Variants in ACAP3 observed in about 807,000 individuals in gnomAD.
The protein encoded by ACAP3 is ArfGAP with coiled-coil, ankyrin repeat and PH domains 3.
ACAP3 carries 56 observed loss-of-function variants against 104.1 expected under a neutral mutation model. The ratio of observed to expected loss-of-function variants is 0.54; its 90% CI spans 0.43 to 0.67. ACAP3 has a LOEUF of 0.67. ACAP3 is among the 30% of genes least tolerant of loss of function. The pLI, the probability that ACAP3 is intolerant of heterozygous loss-of-function variation, is 0.00. For missense variants in ACAP3, 1,208 were observed against 1,174.9 expected (o/e 1.03, Z -0.41); for synonymous variants, 628 against 496.2 (o/e 1.27, Z -3.53).
chr1:1,304,225 G>C (rs1641582469), intron 1 of ACAP3, 82 bp from the exon 2 acceptor site: 6 of 1,510,196 alleles, frequency 4.0e-6, no homozygotes, highest in African/African-American at 2.8e-5. Context: ...CCTCCCTGAG[G>C]GGCTCCACCA....
rs775159327 is a variant in ACAP3 at position 1,301,943 on chromosome 1, G to A, written c.338+45C>T. 29 of 1,509,182 alleles carry A rather than the reference G, an allele frequency of 1.9e-5. No homozygotes were observed. The Admixed American group carries it at 5.7e-4, about 30-fold the overall frequency. 93.5% of individuals were successfully genotyped at this position (1,509,182 alleles called of 1,614,324 possible). A position where few individuals can be genotyped will look rare whatever the true frequency, so the allele number is the denominator to read the frequency against. ...AGACCCCCTTCCCCTCCAAGGGAGG[G>A]AGCGTGGCCTCAGTGTTCTTCCCCC... On this transcript the variant is annotated intron_variant, in intron 5 of 23. Transcript: ENST00000354700.
intron 1 of ACAP3, chr1:1,307,286 C>G: frequency 7.8e-7 from 1 of 1,289,098 alleles, no homozygotes; most frequent in Non-Finnish European, 1.0e-6. Context: ...GGCCGCCACC[C>G]CTCCAAGCCC....
At chr1:1,295,408 C>T in intron 19 of ACAP3, 39 bp downstream of exon 19, 1 of 1,588,502 alleles carries the variant, frequency 6.3e-7, no homozygotes. Flanking sequence ...GCCTCCTTGG[C>T]CCTGCCCTGC....
chr1:1,300,202 T>C lies in ACAP3; in HGVS notation c.523A>G (p.Ile175Val). 1 of 1,607,528 alleles carries C rather than the reference T, an allele frequency of 6.2e-7. No homozygotes were observed. The highest frequency in any genetic ancestry group is 1.1e-5 in the South Asian group (1 of 90,400). The change falls in exon 7 of 24, where the codon ATC becomes GTC. Residue 175 changes from isoleucine (I) to valine (V), a missense_variant and splice_region_variant. By Grantham distance (29) the Ile-to-Val change is conservative (BLOSUM62 3). Coordinates refer to ENST00000354700, the MANE Select transcript of ACAP3 (RefSeq NM_030649.3). ...RHLALDYVLQ[I>V]NVLQAKKKFE... is the part of the protein sequence containing the mutation. Reference sequence around the variant, plus strand: ...TTCTTCTTGGCCTGCAGAACATTGATCTGCCAGAGGGGGAGCCCACAGGTG... The same window carrying C: ...TTCTTCTTGGCCTGCAGAACATTGACCTGCCAGAGGGGGAGCCCACAGGTG...
intron 9 of ACAP3, 49 bp downstream of exon 9, chr1:1,299,782 G>A (rs1336855055): frequency 6.6e-7 from 1 of 1,519,604 alleles, no homozygotes; most frequent in Non-Finnish European, 8.9e-7. Context: ...TGAGGACGCA[G>A]GGGCCTCCCA....
chr1:1,301,344 C>T (rs186453792), intron 5 of ACAP3: 1 of 151,008 alleles, frequency 6.6e-6, no homozygotes, highest in African/African-American at 2.4e-5. Context: ...ACTGCTGCCT[C>T]CGCCTCCTGG....
At chr1:1,307,444 G>A in intron 1 of ACAP3, 4 of 1,295,542 alleles carry the variant, frequency 3.1e-6, no homozygotes, top group Admixed American at 2.3e-5. Flanking sequence ...AGACGACCCT[G>A]GCCAGAGCTG....
chr1:1,303,104 C>T lies in ACAP3; in HGVS notation c.225+58G>A. 5 of 1,557,682 alleles carry T rather than the reference C, an allele frequency of 3.2e-6. No homozygotes were observed. Among genetic ancestry groups the T allele is most frequent in the Non-Finnish European group, 4.3e-6 (5 of 1,150,696 alleles). On this transcript the variant is annotated intron_variant, in intron 3 of 23. Coordinates refer to ENST00000354700, the MANE Select transcript of ACAP3 (RefSeq NM_030649.3). This position sits in a 1 kb window ranked among gnomAD's most constrained non-coding sequence, Gnocchi z 4.0. ...TGGCCTGGACGCCCTCAAGGGGCTG[C>T]CTCCCTCGGCCTCTCCCCCAACCCC...
At position 1,293,392 on chromosome 1, in the gene ACAP3, T is replaced by C. The variant is rs1640927044; in HGVS notation, c.*172A>G. On this transcript the variant is annotated 3_prime_UTR_variant, in exon 24 of 24. Transcript: ENST00000354700. ...ACGTGAGGCTTCAAGAGACTCAGTG[T>C]GGGGCCCTCGCTCTCCTCCTGGGCG... The C allele has an allele frequency of 5.3e-6, 3 of 568,522 alleles. No individual in the cohort carries two copies. Among genetic ancestry groups the C allele is most frequent in the Non-Finnish European group, 7.7e-6 (3 of 391,906 alleles). 35.2% of individuals were successfully genotyped at this position (568,522 alleles called of 1,614,324 possible). A position where few individuals can be genotyped will look rare whatever the true frequency, so the allele number is the denominator to read the frequency against.
At chr1:1,298,905 G>A (rs1641318759) in intron 10 of ACAP3, 2 of 572,544 alleles carry the variant, frequency 3.5e-6, no homozygotes, top group South Asian at 2.1e-5. Context: ...TTCACAGCTG[G>A]GGGCCCGAGA....
rs1358230219 is a variant in ACAP3, at chr1:1,298,414, A to C, written c.871T>G (p.Phe291Val). The C allele has an allele frequency of 6.2e-7, 1 of 1,600,658 alleles. No individual in the cohort carries two copies. The highest frequency in any genetic ancestry group is 8.5e-7 in the Non-Finnish European group (1 of 1,173,114). The change falls in exon 12 of 24, where the codon TTC becomes GTC. Residue 291 changes from phenylalanine (F) to valine (V), a missense_variant. Phe to Val is a conservative substitution (Grantham distance 50). Transcript: ENST00000354700. ...ACCAGCTGGCTGTTCTGAATGGAGA[A>C]CCAGCGCCTAGGTGGGTGGGGGGAT... is the stretch of plus-strand genomic sequence containing the variant. The part of the protein sequence containing the change: ...NAFKTWNRRW[F>V]SIQNSQLVYQ...
intron 14 of ACAP3, among the ~76,000 whole-genome samples, 161 bp from the exon 15 acceptor site, chr1:1,296,794 G>GCC (rs376577103): frequency 1.4e-5 from 2 of 145,862 alleles, no homozygotes; most frequent in African/African-American, 4.9e-5. Flanking sequence ...TGGGCAGATG[G>GCC]CCCCCCCCTC....
chr1:1,305,578 T>G (rs367631386), intron 1 of ACAP3: 8 of 152,204 alleles, frequency 5.3e-5, no homozygotes, highest in African/African-American at 1.9e-4. Flanking sequence ...GGGGACAGGG[T>G]GGGCCCTGGC....
intron 9 of ACAP3, 126 bp from the exon 10 acceptor site, chr1:1,299,482 G>A: frequency 8.4e-7 from 1 of 1,191,112 alleles, no homozygotes; most frequent in Non-Finnish European, 1.1e-6. Flanking sequence ...ACTCCTGGGG[G>A]GCTCTCCCCT....
At chr1:1,307,734 G>A (rs889351908) in intron 1 of ACAP3, 35 bp downstream of exon 1, 101 of 1,089,574 alleles carry the variant, frequency 9.3e-5, no homozygotes, top group Non-Finnish European at 1.0e-4. Context: ...GACGCCCCCG[G>A]CCTGCGCCCA....
chr1:1,300,070 T>A lies in ACAP3; in HGVS notation c.568-2A>T. ...CTGGGCGTGCATGAAGGACAGCATCTGCGGGGGCAGCACAGGTGAGGCCCA... is the reference window on the plus strand; with the variant it reads ...CTGGGCGTGCATGAAGGACAGCATCAGCGGGGGCAGCACAGGTGAGGCCCA... On this transcript the variant is annotated splice_acceptor_variant, in intron 7 of 23. Coordinates refer to ENST00000354700, the MANE Select transcript of ACAP3 (RefSeq NM_030649.3). LOFTEE classifies it high-confidence loss of function. The A allele has an allele frequency of 6.2e-7, 1 of 1,612,264 alleles. No homozygotes were observed. The highest frequency in any genetic ancestry group is 8.5e-7 in the Non-Finnish European group (1 of 1,179,680).
Position 1,303,447 on chromosome 1 carries a change from T to A in ACAP3, c.106-166A>T. 1 of 357,576 alleles carries A rather than the reference T, an allele frequency of 2.8e-6. No individual in the cohort carries two copies. The highest frequency in any genetic ancestry group is 5.1e-6 in the Non-Finnish European group (1 of 194,846). The allele number at this position is 357,576 out of a possible 1,614,324, so 22.2% of individuals were successfully genotyped here. The stretch of plus-strand genomic sequence containing the variant: ...CAGCTTCCTCACGCCTGGGCCTGCC[T>A]GGGGCTTGGAGGCCCGTCTGGGAGG... On this transcript the variant is annotated intron_variant, in intron 2 of 23. Coordinates refer to ENST00000354700, the MANE Select transcript of ACAP3 (RefSeq NM_030649.3). This position sits in a 1 kb window ranked among gnomAD's most constrained non-coding sequence, Gnocchi z 4.0.
In ACAP3 at chr1:1,295,621, G is replaced by A. The variant is rs74810910; in HGVS notation, c.1706-67C>T. On this transcript the variant is annotated intron_variant, in intron 18 of 23. Transcript: ENST00000354700. The stretch of plus-strand genomic sequence containing the variant: ...GGTGGGGCAGGGAACCCCAGGTCAC[G>A]CCGGGAGTCTGCGGAGCCTGAGGTG... 0.041 allele frequency: 63,793 copies of A among 1,572,642 alleles called. 1,558 individuals carry two copies. Among genetic ancestry groups the A allele is most frequent in the Non-Finnish European group, 0.047 (54,793 of 1,156,426 alleles).
chr1:1,299,765 C>G lies in ACAP3; in HGVS notation c.738+66G>C, dbSNP rs553698209. On this transcript the variant is annotated intron_variant, in intron 9 of 23. Transcript: ENST00000354700. ...GAAGGGGCGGGGAGGGTGTGCCGGG[C>G]ATGGGGTGAGGACGCAGGGGCCTCC... The G allele has an allele frequency of 2.2e-5, 32 of 1,478,056 alleles. No individual in the cohort carries two copies. The East Asian group carries it at 6.7e-4, about 31-fold the overall frequency. The allele number at this position is 1,478,056 out of a possible 1,614,324, so 91.6% of individuals were successfully genotyped here. A position where few individuals can be genotyped will look rare whatever the true frequency, so the allele number is the denominator to read the frequency against.
Sources: allele counts gnomAD v4.1 joint callset (sites outside exome capture counted in the v4.1 genomes callset), GRCh38; gene constraint gnomAD v4.1.1; non-coding constraint Gnocchi (gnomAD v3.1); transcripts MANE v1.5; gene names NCBI Gene and HGNC (gene_info 2026-07-23, HGNC 2026-07-21).